The following HMCN1 variants were observed in gnomAD, a reference collection of about 807,000 sequenced individuals.
HMCN1 encodes the protein hemicentin 1, also known as hemicentin-1.
In HMCN1, 321 loss-of-function variants were observed where a neutral mutation model predicts 625.9. The observed-to-expected ratio is 0.51, with a 90% confidence interval of 0.47 to 0.56. The LOEUF is 0.56. HMCN1 is among the 20% of genes least tolerant of loss of function. The probability of loss-of-function intolerance (pLI) is 0.00; values close to 1 mark genes in which losing one functional copy is unlikely to be tolerated. For synonymous variants in HMCN1, 2,425 were observed against 2,417.6 expected (o/e 1.00, Z -0.09); for missense variants, 6,588 against 6,887.3 (o/e 0.96, Z 1.54).
At chr1:185,963,927 A>G (rs763403140) in intron 13 of HMCN1, 32 bp downstream of exon 13, 26 of 1,579,690 alleles carry the variant, frequency 1.6e-5, no homozygotes, top group Non-Finnish European at 2.3e-5. Flanking sequence ...GGCAATTAAA[A>G]TAGGATGAAT....
intron 33 of HMCN1, among the ~76,000 whole-genome samples, chr1:186,017,780 A>G (rs56048287): frequency 0.049 from 7,509 of 152,044 alleles, 296 homozygotes; most frequent in Admixed American, 0.13. Flanking sequence ...TAATTTTTCT[A>G]ATTTTTAATT....
intron 4 of HMCN1, among the ~76,000 whole-genome samples, chr1:185,898,479 T>A (rs75381570): frequency 6.6e-6 from 1 of 152,070 alleles, no homozygotes; most frequent in African/African-American, 2.4e-5. Context: ...ACTTTTTTTT[T>A]AACTAGAAAG....
At chr1:185,998,823 G>A (rs1013321936) in intron 25 of HMCN1, among the ~76,000 whole-genome samples, 1 of 151,886 alleles carries the variant, frequency 6.6e-6, no homozygotes, top group Non-Finnish European at 1.5e-5. Flanking sequence ...TCTTTCTTTT[G>A]TTTGTTCATT....
chr1:185,884,603 C>T (rs1664519242), intron 4 of HMCN1, among the ~76,000 whole-genome samples: 1 of 151,936 alleles, frequency 6.6e-6, no homozygotes, highest in South Asian at 2.1e-4. Flanking sequence ...CTATATTTTG[C>T]CTAATGGCTT....
Position 186,037,966 on chromosome 1 carries a change from C to G in HMCN1, c.5782C>G (p.Leu1928Val). The change falls in exon 37 of 107, where the codon CTG becomes GTG. Residue 1928 changes from leucine to valine, a missense_variant. Physicochemically the swap from Leu to Val is conservative, Grantham distance 32. Coordinates refer to ENST00000271588, the MANE Select transcript of HMCN1 (RefSeq NM_031935.3). ...TAGTCTGGAAGATGCTGGAAAAATG[C>G]TGAATGAGACTGTGTTGGTGAGCAA... is the stretch of plus-strand genomic sequence containing the variant. ...PPSLEDAGKM[L>V]NETVLVSNPV... 6.2e-7 allele frequency: 1 copy of G among 1,612,810 alleles called. No individual in the cohort carries two copies.
intron 1 of HMCN1, among the ~76,000 whole-genome samples, chr1:185,790,749 G>T (rs1657931941): frequency 6.6e-6 from 1 of 152,200 alleles, no homozygotes; most frequent in Non-Finnish European, 1.5e-5. Context: ...AACCAAAAAT[G>T]CCACACACAT....
intron 35 of HMCN1, among the ~76,000 whole-genome samples, chr1:186,021,912 G>T (rs930817367): frequency 6.6e-6 from 1 of 152,058 alleles, no homozygotes; most frequent in Non-Finnish European, 1.5e-5. Context: ...ATCCCACAGT[G>T]GCTGTGGAAA....
intron 4 of HMCN1, among the ~76,000 whole-genome samples, chr1:185,906,854 G>T (rs1413057853): frequency 6.7e-6 from 1 of 149,318 alleles, no homozygotes; most frequent in Non-Finnish European, 1.5e-5. Flanking sequence ...TCTCTCCTTT[G>T]CCCTCTTCAG....
In HMCN1 at chr1:186,093,502, G is replaced by A. The variant is rs772219414; in HGVS notation, c.10029G>A (p.Arg3343=). Residue 3343 remains arginine (R), a synonymous_variant, in exon 66 of 107, where the codon AGG becomes AGA. Coordinates refer to ENST00000271588, the MANE Select transcript of HMCN1 (RefSeq NM_031935.3). ...NLNVYVTPTI[R]GNKDEAEKLM... ...ACAACATAGTTACACCTACAATTAG[G>A]GGTAATAAAGATGAAGCAGAGAAAC... 1 of 1,613,206 alleles carries A rather than the reference G, an allele frequency of 6.2e-7. No individual in the cohort carries two copies. The highest frequency in any genetic ancestry group is 1.1e-5 in the South Asian group (1 of 91,062).
chr1:185,934,872 C>T (rs908750814), intron 11 of HMCN1, among the ~76,000 whole-genome samples: 2 of 152,112 alleles, frequency 1.3e-5, no homozygotes, highest in Non-Finnish European at 2.9e-5. Context: ...GCGAAACTAC[C>T]ATGAGAATTA....
intron 71 of HMCN1, among the ~76,000 whole-genome samples, chr1:186,111,904 A>G (rs1660905717): frequency 2.6e-5 from 4 of 152,186 alleles, no homozygotes; most frequent in Admixed American, 2.0e-4. Flanking sequence ...AGAAAGATAT[A>G]TGTATCTGGG....
In HMCN1 at chr1:186,172,123, C is replaced by G; in HGVS notation, c.15806C>G (p.Thr5269Ser). 1 of 1,613,662 alleles carries G rather than the reference C, an allele frequency of 6.2e-7. No homozygotes were observed. Among genetic ancestry groups the G allele is most frequent in the South Asian group, 1.1e-5 (1 of 91,068 alleles). The change falls in exon 102 of 107, where the codon ACC becomes AGC. Residue 5269 changes from threonine to serine, a missense_variant. By Grantham distance (58) the Thr-to-Ser change is moderately conservative (BLOSUM62 1). This residue lies in a region of HMCN1 where 1,954 missense variants were observed against 2,013.1 expected (regional missense o/e 0.97). Coordinates refer to ENST00000271588, the MANE Select transcript of HMCN1 (RefSeq NM_031935.3). ...GGAATGACCAAGGCAGAAAATGGAA[C>G]CTGTATTGGTGAGTGTCTGGCTGTT... ...PNGMTKAENG[T>S]CIDIDECKDG...
chr1:185,993,549 A>G (rs965203684), intron 23 of HMCN1: 18 of 438,524 alleles, frequency 4.1e-5, no homozygotes, highest in African/African-American at 6.0e-5. Flanking sequence ...TTGGATCTCA[A>G]TTTTTCTACT....
rs2102457492 is a variant in HMCN1, at chr1:186,108,539, A to T, written c.10931A>T (p.Lys3644Met). The T allele has an allele frequency of 4.3e-6, 7 of 1,614,110 alleles. No homozygotes were observed. Among genetic ancestry groups the T allele is most frequent in the Non-Finnish European group, 5.1e-6 (6 of 1,179,966 alleles). Residue 3644 changes from lysine (K) to methionine (M), a missense_variant, in exon 71 of 107, where the codon AAG becomes ATG. Around this residue, in one of 3 missense-constraint regions of HMCN1, gnomAD observed 4,628 missense variants for 4,853.1 expected, o/e 0.95. Transcript: ENST00000271588. ...AACAGACAAGTGACATTGGAATGCA[A>T]GTCAGATGCAGTGCCCCCACCTGTA... ...LRNRQVTLEC[K>M]SDAVPPPVIT...
At chr1:185,904,167 A>G (rs765463583) in intron 4 of HMCN1, among the ~76,000 whole-genome samples, 3 of 151,824 alleles carry the variant, frequency 2.0e-5, no homozygotes, top group Non-Finnish European at 4.4e-5. Flanking sequence ...CTGGGTGCTC[A>G]ATAAATGCTT....
At chr1:186,101,596 A>G (rs1660385415) in intron 68 of HMCN1, among the ~76,000 whole-genome samples, 1 of 152,148 alleles carries the variant, frequency 6.6e-6, no homozygotes, top group African/African-American at 2.4e-5. Context: ...ATATGGACAA[A>G]ACACAGAGTA....
At chr1:185,905,776 G>A (rs1171632965) in intron 4 of HMCN1, among the ~76,000 whole-genome samples, 1 of 151,678 alleles carries the variant, frequency 6.6e-6, no homozygotes, top group Non-Finnish European at 1.5e-5. Flanking sequence ...CTATACAAGG[G>A]AATTATGTAA....
At chr1:186,092,430 A>G (rs977752041) in intron 64 of HMCN1, among the ~76,000 whole-genome samples, 1 of 151,950 alleles carries the variant, frequency 6.6e-6, no homozygotes, top group Non-Finnish European at 1.5e-5. Flanking sequence ...TGGAGCTTTT[A>G]CTTTTGACAC....
At chr1:185,754,194 T>C (rs981481690) in intron 1 of HMCN1, among the ~76,000 whole-genome samples, 1 of 152,150 alleles carries the variant, frequency 6.6e-6, no homozygotes, top group Non-Finnish European at 1.5e-5. Context: ...TTTTAACTTA[T>C]ATGTAGAGTC....
Sources: allele counts gnomAD v4.1 joint callset (sites outside exome capture counted in the v4.1 genomes callset), GRCh38; gene constraint gnomAD v4.1.1; regional missense constraint gnomAD v4.1.1; transcripts MANE v1.5; gene names NCBI Gene and HGNC (gene_info 2026-07-23, HGNC 2026-07-21).